COL20A1: variants seen among roughly 807,000 people sequenced by gnomAD.
The protein encoded by COL20A1 is collagen type XX alpha 1 chain.
A neutral mutation model predicts 152.9 loss-of-function variants in COL20A1; 164 were observed. That is an observed-to-expected ratio of 1.07 (90% CI 0.94 to 1.22). COL20A1 has a LOEUF of 1.22. COL20A1 is among the 50% of genes most tolerant of loss of function. The pLI is 0.00. For missense variants in COL20A1, 1,873 were observed against 1,744.8 expected (o/e 1.07, Z -1.31); for synonymous variants, 864 against 756.0 (o/e 1.14, Z -2.34).
chr20:63,318,114 C>T (rs2068107861), intron 21 of COL20A1, among the ~76,000 whole-genome samples: 1 of 152,232 alleles, frequency 6.6e-6, no homozygotes. Context: ...CATGAGCAGG[C>T]ACTTCCCATG....
chr20:63,295,721 C>G (rs1188085638), intron 2 of COL20A1, among the ~76,000 whole-genome samples: 1 of 152,260 alleles, frequency 6.6e-6, no homozygotes, highest in African/African-American at 2.4e-5. Context: ...CCCATGGCAG[C>G]AAAGGGAAAT....
intron 25 of COL20A1, 45 bp downstream of exon 25, chr20:63,320,413 A>G (rs896354911): frequency 6.3e-7 from 1 of 1,576,514 alleles, no homozygotes; most frequent in Non-Finnish European, 8.7e-7. Context: ...AAGTTAGGGC[A>G]AGTGCCCACT....
In COL20A1 at chr20:63,309,850, G is replaced by A. The variant is rs1011546109; in HGVS notation, c.1198G>A (p.Ala400Thr). 4.3e-6 allele frequency: 7 copies of A among 1,611,092 alleles called. No homozygotes were observed. Among genetic ancestry groups the A allele is most frequent in the Non-Finnish European group, 3.4e-6 (4 of 1,179,144 alleles). The change falls in exon 10 of 36, where the codon GCC becomes ACC. Residue 400 changes from alanine (A) to threonine (T), a missense_variant. By Grantham distance (58) the Ala-to-Thr change is moderately conservative. Transcript: ENST00000358894. The stretch of plus-strand genomic sequence containing the variant: ...CAGCATCCGCCTGTCCTGGACTCCA[G>A]CCCCCCGGCACCCCCTCAAGTATCT... The part of the protein sequence containing the change: ...SSSIRLSWTP[A>T]PRHPLKYLIV...
At chr20:63,303,566 T>TA (rs993138853) in intron 3 of COL20A1, among the ~76,000 whole-genome samples, 1 of 152,212 alleles carries the variant, frequency 6.6e-6, no homozygotes, top group Non-Finnish European at 1.5e-5. Flanking sequence ...TGAGGCTTGA[T>TA]ACCTGTGAAA....
Position 63,320,283 on chromosome 20 carries a change from C to A in COL20A1, c.3076-8C>A. The A allele has an allele frequency of 6.2e-7, 1 of 1,609,140 alleles. No individual in the cohort carries two copies. The highest frequency in any genetic ancestry group is 1.1e-5 in the South Asian group (1 of 91,074). ...CCCCGGGGCTGAGCCGGCTCCCCTG[C>A]GTTGCAGTTTCAGCTCCAGATGCTG... On this transcript the variant is annotated splice_polypyrimidine_tract_variant and splice_region_variant and intron_variant, in intron 24 of 35. Coordinates refer to ENST00000358894, the MANE Select transcript of COL20A1 (RefSeq NM_020882.4).
In COL20A1 at chr20:63,311,553, G is replaced by C; in HGVS notation, c.1539+14G>C. 6.2e-7 allele frequency: 1 copy of C among 1,603,220 alleles called. No homozygotes were observed. The highest frequency in any genetic ancestry group is 8.5e-7 in the Non-Finnish European group (1 of 1,175,872). On this transcript the variant is annotated intron_variant, in intron 12 of 35. Coordinates refer to ENST00000358894, the MANE Select transcript of COL20A1 (RefSeq NM_020882.4). This position sits in a 1 kb window ranked among gnomAD's most constrained non-coding sequence, Gnocchi z 4.4. ...GAGGAGCGAGAGGTGAGCTGGGCCG[G>C]GGGGTGGCGGGGGAGGCAGAGGAGT...
rs1239524197 is a variant in COL20A1, at chr20:63,307,497, C to T, written c.504C>T (p.Pro168=). The change falls in exon 6 of 36, where the codon CCC becomes CCT. Residue 168 remains proline, a synonymous_variant. Coordinates refer to ENST00000358894, the MANE Select transcript of COL20A1 (RefSeq NM_020882.4). ...PSQDPRTPAG[P]QFRCLPPVPA... ...CCGCTCCCACCGCCCCAGCCGGCCCCCAGTTCCGCTGCCTGCCCCCCGTGC... is the reference window on the plus strand; with the variant it reads ...CCGCTCCCACCGCCCCAGCCGGCCCTCAGTTCCGCTGCCTGCCCCCCGTGC... The T allele has an allele frequency of 1.2e-6, 2 of 1,611,558 alleles. No homozygotes were observed. The highest frequency in any genetic ancestry group is 1.7e-6 in the Non-Finnish European group (2 of 1,179,412).
chr20:63,307,513 C>T lies in COL20A1; in HGVS notation c.520C>T (p.Pro174Ser), dbSNP rs745409277. 1.9e-6 allele frequency: 3 copies of T among 1,611,914 alleles called. 1 individual carries two copies. The highest frequency in any genetic ancestry group is 2.2e-5 in the South Asian group (2 of 91,054). Reference sequence around the variant, plus strand: ...AGCCGGCCCCCAGTTCCGCTGCCTGCCCCCCGTGCCTGCTGACATGGTCTT... The same window carrying T: ...AGCCGGCCCCCAGTTCCGCTGCCTGTCCCCCGTGCCTGCTGACATGGTCTT... ...TPAGPQFRCL[P>S]PVPADMVFLV... Residue 174 changes from proline to serine, a missense_variant, in exon 6 of 36, where the codon CCC (proline) becomes TCC (serine). By Grantham distance (74) the Pro-to-Ser change is moderately conservative. Coordinates refer to ENST00000358894, the MANE Select transcript of COL20A1 (RefSeq NM_020882.4).
rs777817471 is a variant in COL20A1, at chr20:63,308,100, A to G, written c.775+10A>G. 6.9e-6 allele frequency: 11 copies of G among 1,597,212 alleles called. No homozygotes were observed. The highest frequency in any genetic ancestry group is 9.3e-6 in the Non-Finnish European group (11 of 1,178,906). On this transcript the variant is annotated intron_variant, in intron 7 of 35. Transcript: ENST00000358894. ...GGGAACACGTTCACAGGTACGGCCC[A>G]GGCCTGCCCCTCCCTCTGTCCTGAG...
At position 63,330,786 on chromosome 20, in the gene COL20A1, C is replaced by G. The variant is rs79986264; in HGVS notation, c.*70C>G. The G allele has an allele frequency of 3.9e-5, 6 of 152,196 alleles. No individual in the cohort carries two copies. The highest frequency in any genetic ancestry group is 3.9e-4 in the Admixed American group (6 of 15,282). 9.4% of individuals were successfully genotyped at this position (152,196 alleles called of 1,614,324 possible). On this transcript the variant is annotated 3_prime_UTR_variant, in exon 36 of 36. Transcript: ENST00000358894. Reference sequence around the variant, plus strand: ...CCTGGGTTTGTCTGGACACCGAGAGCGACCACATCCTGGAGAAGCCAGGAG... The same window carrying G: ...CCTGGGTTTGTCTGGACACCGAGAGGGACCACATCCTGGAGAAGCCAGGAG...
chr20:63,305,572 G>A lies in COL20A1; in HGVS notation c.337+12G>A, dbSNP rs753315445. On this transcript the variant is annotated intron_variant, in intron 4 of 35. Coordinates refer to ENST00000358894, the MANE Select transcript of COL20A1 (RefSeq NM_020882.4). The surrounding 1 kb of genome is among the most constrained non-coding windows in gnomAD (Gnocchi z 4.9). ...GAGGGAGTTTGTGAGTAAGTCCACCGTCTGCCAGCTGGGTACCCACTCCTC... is the reference window on the plus strand; with the variant it reads ...GAGGGAGTTTGTGAGTAAGTCCACCATCTGCCAGCTGGGTACCCACTCCTC... The A allele has an allele frequency of 4.0e-5, 64 of 1,582,424 alleles. No individual in the cohort carries two copies. Among genetic ancestry groups the A allele is most frequent in the Middle Eastern group, 1.7e-4 (1 of 5,918 alleles).
chr20:63,332,172 T>G lies in COL20A1; in HGVS notation c.*1456T>G, dbSNP rs2068341422. 1 of 152,308 alleles carries G rather than the reference T, an allele frequency of 6.6e-6. No individual in the cohort carries two copies. Among genetic ancestry groups the G allele is most frequent in the South Asian group, 2.1e-4 (1 of 4,828 alleles). 9.4% of individuals were successfully genotyped at this position (152,308 alleles called of 1,614,324 possible). On this transcript the variant is annotated 3_prime_UTR_variant, in exon 36 of 36. Coordinates refer to ENST00000358894, the MANE Select transcript of COL20A1 (RefSeq NM_020882.4). The stretch of plus-strand genomic sequence containing the variant: ...CGTGGCATCGAGACAGATTTTGCAC[T>G]GAGGGACAAGGAGAGCATGTGGCCA...
chr20:63,317,954 G>A (rs1398186131), intron 21 of COL20A1, among the ~76,000 whole-genome samples: 2 of 152,046 alleles, frequency 1.3e-5, no homozygotes, highest in Non-Finnish European at 1.5e-5. Context: ...AGCTCTGATC[G>A]CCTGCAGCCC....
chr20:63,310,453 GTGTTCCCCA>G lies in COL20A1; in HGVS notation c.1338_1346del (p.Phe447_Ile449del), dbSNP rs2067990597. 20 of 1,609,380 alleles carry G rather than the reference GTGTTCCCCA, an allele frequency of 1.2e-5. No individual in the cohort carries two copies. The highest frequency in any genetic ancestry group is 1.6e-5 in the Non-Finnish European group (19 of 1,178,546). On this transcript the variant is annotated inframe_deletion, in exon 11 of 36. Transcript: ENST00000358894. ...CTCCCGCACAGAGTACCTGGTCTCC[GTGTTCCCCA>G]TCTATGAGGGCGGGGTTGGCGAAGG...
At chr20:63,317,406 G>A (rs2068098154) in intron 21 of COL20A1, among the ~76,000 whole-genome samples, 1 of 149,366 alleles carries the variant, frequency 6.7e-6, no homozygotes, top group South Asian at 2.1e-4. Flanking sequence ...GGAGGCTGCA[G>A]TGAGCCAGGA....
intron 31 of COL20A1, 22 bp downstream of exon 31, chr20:63,326,845 A>C (rs751763316): frequency 2.0e-6 from 3 of 1,474,716 alleles, no homozygotes; most frequent in Non-Finnish European, 1.8e-6. Flanking sequence ...TCCAACACCC[A>C]CCAGCCAACC....
In COL20A1 at chr20:63,326,738, C is replaced by CT. The variant is rs779436744; in HGVS notation, c.3457-13dup. On this transcript the variant is annotated splice_polypyrimidine_tract_variant and intron_variant, in intron 30 of 35. Coordinates refer to ENST00000358894, the MANE Select transcript of COL20A1 (RefSeq NM_020882.4). ...GGGGGCCCAAGCCAAACCCTGACTT[C>CT]TGTGTCTATGCAGGGGTTCCAGGGC... is the stretch of plus-strand genomic sequence containing the variant. 3.5e-6 allele frequency: 5 copies of CT among 1,436,512 alleles called. No individual in the cohort carries two copies. The African/African-American group carries it at 7.5e-5, about 22-fold the overall frequency. 89.0% of individuals were successfully genotyped at this position (1,436,512 alleles called of 1,614,324 possible).
At chr20:63,325,603 C>T (rs1339794586) in intron 28 of COL20A1, 65 bp from the exon 29 acceptor site, 6 of 1,568,490 alleles carry the variant, frequency 3.8e-6, no homozygotes, top group Non-Finnish European at 3.5e-6. Context: ...TGAGGCCTCA[C>T]AGGCAGGGCC....
chr20:63,325,370 T>G, intron 27 of COL20A1, 71 bp from the exon 28 acceptor site: 1 of 1,163,566 alleles, frequency 8.6e-7, no homozygotes, highest in Non-Finnish European at 1.3e-6. Flanking sequence ...CTGTGGTAGG[T>G]GTCACTCCTT....
Sources: allele counts gnomAD v4.1 joint callset (sites outside exome capture counted in the v4.1 genomes callset), GRCh38; gene constraint gnomAD v4.1.1; non-coding constraint Gnocchi (gnomAD v3.1); transcripts MANE v1.5; gene names NCBI Gene and HGNC (gene_info 2026-07-23, HGNC 2026-07-21).